Variants in SDK1 observed in about 807,000 individuals in gnomAD.
SDK1 encodes the protein sidekick cell adhesion molecule 1.
Under a neutral mutation model 245.5 loss-of-function variants are expected in SDK1, and 157 were observed. The observed-to-expected ratio is 0.64, with a 90% CI of 0.56 to 0.73. The LOEUF is 0.73. SDK1 is among the 30% of genes least tolerant of loss of function. The pLI is 0.00. For missense variants in SDK1, 3,583 were observed against 3,002.3 expected (o/e 1.19, Z -4.52); for synonymous variants, 1,647 against 1,278.5 (o/e 1.29, Z -6.15).
chr7:3,974,535 C>G lies in SDK1; in HGVS notation c.1984C>G (p.Leu662Val), dbSNP rs1320586080. The change falls in exon 13 of 45, where the codon CTG (leucine) becomes GTG (valine). Residue 662 changes from leucine to valine, a missense_variant. By Grantham distance (32) the Leu-to-Val change is conservative. Coordinates refer to ENST00000404826, the MANE Select transcript of SDK1 (RefSeq NM_152744.4). ...EGGNDSRMAR[L>V]EVIELPHSPQ... ...AGGGAATGACTCCAGGATGGCCCGG[C>G]TGGAAGTGATGTGAGTACTGAGACG... 12 of 1,614,062 alleles carry G rather than the reference C, an allele frequency of 7.4e-6. No individual in the cohort carries two copies. The highest frequency in any genetic ancestry group is 7.6e-6 in the Non-Finnish European group (9 of 1,179,994).
chr7:4,193,372 T>TTATATATATATATATATATATATATA (rs10536828), intron 35 of SDK1, among the ~76,000 whole-genome samples: 6 of 103,074 alleles, frequency 5.8e-5, no homozygotes, highest in African/African-American at 7.8e-5. Context: ...ATTAAAATAT[T>TTATATATATATATATATATATATATA]TATATATATA....
intron 2 of SDK1, 134 bp downstream of exon 2, chr7:3,619,373 A>T (rs1781865567): frequency 1.5e-6 from 1 of 686,010 alleles, no homozygotes; most frequent in East Asian, 2.7e-5. Context: ...AAAGGAATAG[A>T]TTTGAATATG....
intron 14 of SDK1, among the ~76,000 whole-genome samples, chr7:3,987,814 C>A (rs187338426): frequency 9.2e-5 from 14 of 152,286 alleles, no homozygotes; most frequent in African/African-American, 3.4e-4. Flanking sequence ...AAACATGCTC[C>A]TTCCGTGGGC....
intron 5 of SDK1, among the ~76,000 whole-genome samples, chr7:3,945,078 C>T (rs892300302): frequency 6.6e-6 from 1 of 152,188 alleles, no homozygotes; most frequent in African/African-American, 2.4e-5. Context: ...TGTGCCACTG[C>T]ACTCCAGCCT....
intron 4 of SDK1, among the ~76,000 whole-genome samples, chr7:3,813,340 C>T (rs1047443442): frequency 2.7e-5 from 4 of 147,388 alleles, no homozygotes; most frequent in African/African-American, 1.0e-4. Context: ...CATTTCCCAC[C>T]TATGAGTGAG....
At chr7:3,844,872 C>A (rs977655494) in intron 5 of SDK1, among the ~76,000 whole-genome samples, 2 of 152,132 alleles carry the variant, frequency 1.3e-5, no homozygotes, top group Non-Finnish European at 2.9e-5. Flanking sequence ...ATGAGTAGAA[C>A]CTCCTGAATT....
chr7:3,552,308 G>T (rs952352064), intron 1 of SDK1, among the ~76,000 whole-genome samples: 1 of 152,106 alleles, frequency 6.6e-6, no homozygotes, highest in Non-Finnish European at 1.5e-5. Context: ...CCCAAAGTGT[G>T]GGGATTACAG....
At chr7:4,153,202 C>G (rs1480627946) in intron 30 of SDK1, among the ~76,000 whole-genome samples, 3 of 150,358 alleles carry the variant, frequency 2.0e-5, no homozygotes, top group Non-Finnish European at 4.4e-5. Context: ...CAACGAATGT[C>G]AGCACCACGG....
chr7:3,321,746 C>CTTCCT (rs1779811310), intron 1 of SDK1, among the ~76,000 whole-genome samples: 3 of 89,734 alleles, frequency 3.3e-5, no homozygotes, highest in Non-Finnish European at 6.4e-5. Flanking sequence ...CCCCTCCCCC[C>CTTCCT]TCCTTCCCCT....
chr7:4,091,841 C>G (rs1781823559), intron 22 of SDK1, among the ~76,000 whole-genome samples: 1 of 152,096 alleles, frequency 6.6e-6, no homozygotes, highest in African/African-American at 2.4e-5. Context: ...GTTCTGCAGC[C>G]CCCTCTTCTC....
At chr7:3,491,395 G>T (rs1461952682) in intron 1 of SDK1, among the ~76,000 whole-genome samples, 1 of 152,254 alleles carries the variant, frequency 6.6e-6, no homozygotes, top group Non-Finnish European at 1.5e-5. Flanking sequence ...AACGATGTCA[G>T]TGTTTAGCCA....
chr7:3,515,585 A>G (rs1410209764), intron 1 of SDK1, among the ~76,000 whole-genome samples: 2 of 152,222 alleles, frequency 1.3e-5, no homozygotes, highest in African/African-American at 4.8e-5. Flanking sequence ...ATGTACTCTT[A>G]AAATAGTAGA....
chr7:3,438,169 G>C lies in SDK1; in HGVS notation c.298+136285G>C, dbSNP rs909932569. Among the ~76,000 whole-genome samples the C allele has an allele frequency of 4.6e-5, 7 of 152,164 alleles. No individual in the cohort carries two copies. The South Asian group carries it at 6.2e-4, about 14-fold the overall frequency. ...ATGTTCTGCATTGCATGGTCTTTTT[G>C]TTCATTTTATTTTATGTATCATAGT... On this transcript the variant is annotated intron_variant, in intron 1 of 44. Coordinates refer to ENST00000404826, the MANE Select transcript of SDK1 (RefSeq NM_152744.4).
chr7:3,938,295 T>C (rs1780231025), intron 5 of SDK1, among the ~76,000 whole-genome samples: 1 of 152,152 alleles, frequency 6.6e-6, no homozygotes, highest in African/African-American at 2.4e-5. Flanking sequence ...GTCTTTCTAT[T>C]GGTGATGGTT....
chr7:3,937,785 G>C (rs984878139), intron 5 of SDK1, among the ~76,000 whole-genome samples: 8 of 152,204 alleles, frequency 5.3e-5, no homozygotes, highest in Admixed American at 6.5e-5. Flanking sequence ...TTGCCCTGAT[G>C]GGCTTGGGCT....
intron 4 of SDK1, among the ~76,000 whole-genome samples, chr7:3,739,908 A>G (rs1779429126): frequency 1.3e-5 from 2 of 152,190 alleles, no homozygotes; most frequent in Non-Finnish European, 2.9e-5. Flanking sequence ...TACCCTATGC[A>G]GAATTTACTT....
intron 1 of SDK1, among the ~76,000 whole-genome samples, chr7:3,527,229 G>GAAT (rs1783168517): frequency 6.6e-6 from 1 of 152,154 alleles, no homozygotes; most frequent in African/African-American, 2.4e-5. Flanking sequence ...TAAGCAATGG[G>GAAT]AATGCTATGG....
At chr7:3,744,778 C>T (rs1345667775) in intron 4 of SDK1, among the ~76,000 whole-genome samples, 2 of 151,772 alleles carry the variant, frequency 1.3e-5, no homozygotes, top group Non-Finnish European at 2.9e-5. Flanking sequence ...CACCAATGCA[C>T]TCCAGCCTGG....
At chr7:3,798,597 G>T (rs1047300879) in intron 4 of SDK1, among the ~76,000 whole-genome samples, 2 of 152,106 alleles carry the variant, frequency 1.3e-5, no homozygotes, top group African/African-American at 2.4e-5. Flanking sequence ...GGTTTCTCAC[G>T]ATCAAGCTGA....
Sources: allele counts gnomAD v4.1 joint callset (sites outside exome capture counted in the v4.1 genomes callset), GRCh38; gene constraint gnomAD v4.1.1; transcripts MANE v1.5; gene names NCBI Gene and HGNC (gene_info 2026-07-23, HGNC 2026-07-21).